The following ABCE1 variants were observed in gnomAD, a reference collection of about 807,000 sequenced individuals.
ABCE1 encodes ATP binding cassette subfamily E member 1.
A neutral mutation model predicts 83.4 loss-of-function variants in ABCE1; 22 were observed. The ratio of observed to expected loss-of-function variants is 0.26; its 90% CI spans 0.19 to 0.38. ABCE1 has a LOEUF of 0.38. ABCE1 is among the 10% of genes least tolerant of loss of function. The pLI, the probability that ABCE1 is intolerant of heterozygous loss-of-function variation, is 1.00. For synonymous variants in ABCE1, 204 were observed against 233.7 expected (o/e 0.87, Z 1.16); for missense variants, 330 against 721.9 (o/e 0.46, Z 6.22).
intron 1 of ABCE1, among the ~76,000 whole-genome samples, chr4:145,098,908 C>A (rs952091593): frequency 4.6e-5 from 7 of 152,228 alleles, no homozygotes; most frequent in African/African-American, 1.7e-4. Context: ...GCCATGAAGT[C>A]GAATACTCGC....
chr4:145,127,052 C>T (rs1310267602), intron 17 of ABCE1, among the ~76,000 whole-genome samples: 1 of 152,130 alleles, frequency 6.6e-6, no homozygotes, highest in Non-Finnish European at 1.5e-5. Context: ...TTAAGATTGT[C>T]ATACCTTAAT....
chr4:145,119,173 G>C (rs1749678397), intron 10 of ABCE1, among the ~76,000 whole-genome samples: 1 of 151,876 alleles, frequency 6.6e-6, no homozygotes, highest in African/African-American at 2.4e-5. Context: ...GTGTCTCTCA[G>C]TTCCAAATAA....
At chr4:145,125,877 TA>T (rs1323135160) in intron 17 of ABCE1, among the ~76,000 whole-genome samples, 2 of 151,982 alleles carry the variant, frequency 1.3e-5, no homozygotes, top group Admixed American at 1.3e-4. Context: ...CCATCTCTAC[TA>T]AAAATACAAA....
At chr4:145,118,765 A>G (rs574025527) in intron 10 of ABCE1, among the ~76,000 whole-genome samples, 57 of 152,012 alleles carry the variant, frequency 3.7e-4, no homozygotes, top group Middle Eastern at 3.4e-3. Context: ...TTCCTTTAAT[A>G]TATTGAAATC....
In ABCE1 at chr4:145,121,283, T is replaced by G. The variant is rs775104249; in HGVS notation, c.1204+50T>G. 3 of 1,611,924 alleles carry G rather than the reference T, an allele frequency of 1.9e-6. No individual in the cohort carries two copies. In the East Asian group the frequency reaches 6.7e-5, roughly 36 times the overall value. ...TTTACTCTGTTTTACACAGTAAACT[T>G]TAAAGATCTGGGCAGTTTTTAGTGT... On this transcript the variant is annotated intron_variant, in intron 12 of 17. Coordinates refer to ENST00000296577, the MANE Select transcript of ABCE1 (RefSeq NM_002940.3).
At chr4:145,119,117 T>C (rs553254329) in intron 10 of ABCE1, among the ~76,000 whole-genome samples, 12 of 151,934 alleles carry the variant, frequency 7.9e-5, no homozygotes, top group Non-Finnish European at 1.8e-4. Flanking sequence ...TCAGCAAAGA[T>C]GTATTGAACA....
At chr4:145,121,069 T>A in intron 11 of ABCE1, 105 bp from the exon 12 acceptor site, 1 of 1,041,154 alleles carries the variant, frequency 9.6e-7, no homozygotes, top group Non-Finnish European at 1.5e-6. Flanking sequence ...AATGTCAGTG[T>A]ATATCTTTAA....
At chr4:145,121,038 A>C (rs996830858) in intron 11 of ABCE1, 136 bp from the exon 12 acceptor site, 2 of 772,124 alleles carry the variant, frequency 2.6e-6, no homozygotes, top group Non-Finnish European at 4.3e-6. Context: ...GTATTTTTCT[A>C]TATAAACTTC....
chr4:145,110,265 A>G (rs1342701380), intron 6 of ABCE1, 25 bp downstream of exon 6: 5 of 1,598,760 alleles, frequency 3.1e-6, no homozygotes, highest in Admixed American at 1.8e-5. Context: ...GAGGGAACTT[A>G]ACGGATATTA....
chr4:145,119,973 T>G lies in ABCE1; in HGVS notation c.964T>G (p.Leu322Val). Residue 322 changes from leucine to valine, a missense_variant, in exon 11 of 18, where the codon TTG (leucine) becomes GTG (valine). Physicochemically the swap from Leu to Val is conservative, Grantham distance 32. Coordinates refer to ENST00000296577, the MANE Select transcript of ABCE1 (RefSeq NM_002940.3). ...FLDGYVPTEN[L>V]RFRDASLVFK... is the part of the protein sequence containing the mutation. The stretch of plus-strand genomic sequence containing the variant: ...GGATGGCTATGTTCCAACAGAAAAC[T>G]TGAGATTCAGAGATGCATCACTTGT... 1 of 1,611,590 alleles carries G rather than the reference T, an allele frequency of 6.2e-7. No homozygotes were observed. Among genetic ancestry groups the G allele is most frequent in the Non-Finnish European group, 8.5e-7 (1 of 1,178,980 alleles).
rs1749923372 is a variant in ABCE1, at chr4:145,127,517, CT to C, written c.1753-3del. 5 of 1,576,878 alleles carry C rather than the reference CT, an allele frequency of 3.2e-6. No individual in the cohort carries two copies. Among genetic ancestry groups the C allele is most frequent in the Admixed American group, 2.0e-5 (1 of 50,210 alleles). ...TGCTGATTTTTGTGGCTTCTGTTTTCTTTTTTAGGATGTAGAACAAAAGAAG... is the reference window on the plus strand; with the variant it reads ...TGCTGATTTTTGTGGCTTCTGTTTTCTTTTTAGGATGTAGAACAAAAGAAG... On this transcript the variant is annotated splice_polypyrimidine_tract_variant and splice_region_variant and intron_variant, in intron 17 of 17. Coordinates refer to ENST00000296577, the MANE Select transcript of ABCE1 (RefSeq NM_002940.3).
chr4:145,112,576 A>G (rs1269531798), intron 9 of ABCE1, among the ~76,000 whole-genome samples: 1 of 152,182 alleles, frequency 6.6e-6, no homozygotes, highest in Non-Finnish European at 1.5e-5. Flanking sequence ...GTAGCTTTAT[A>G]GGAAGCAGAC....
intron 3 of ABCE1, among the ~76,000 whole-genome samples, chr4:145,106,264 T>G (rs1180974533): frequency 6.6e-6 from 1 of 152,012 alleles, no homozygotes; most frequent in Non-Finnish European, 1.5e-5. Context: ...ATCTTTCTGT[T>G]TGTAGATATT....
chr4:145,101,537 G>A (rs949501799), intron 1 of ABCE1, among the ~76,000 whole-genome samples: 1 of 152,190 alleles, frequency 6.6e-6, no homozygotes, highest in Admixed American at 6.5e-5. Context: ...CCTGTGTTGA[G>A]AATGAACTGT....
intron 11 of ABCE1, 90 bp downstream of exon 11, chr4:145,120,243 G>A (rs185514971): frequency 9.0e-7 from 1 of 1,110,830 alleles, no homozygotes; most frequent in South Asian, 1.4e-5. Flanking sequence ...TGAATCATAT[G>A]TTATAGGGCT....
At chr4:145,111,902 AT>A (rs1452332012) in intron 8 of ABCE1, among the ~76,000 whole-genome samples, 2 of 152,192 alleles carry the variant, frequency 1.3e-5, no homozygotes, top group African/African-American at 4.8e-5. Flanking sequence ...CCAAAAAACT[AT>A]GCTTAAATGC....
At chr4:145,110,900 C>T (rs1262363803) in intron 7 of ABCE1, 68 bp from the exon 8 acceptor site, 4 of 964,234 alleles carry the variant, frequency 4.1e-6, no homozygotes, top group Non-Finnish European at 6.3e-6. Flanking sequence ...CAAATGATGA[C>T]ATGCAGTATA....
At chr4:145,127,416 T>G (rs1749917175) in intron 17 of ABCE1, 110 bp from the exon 18 acceptor site, 4 of 913,174 alleles carry the variant, frequency 4.4e-6, no homozygotes, top group Non-Finnish European at 6.8e-6. Flanking sequence ...CAGAACAGGT[T>G]GTACAGGCAC....
Position 145,116,531 on chromosome 4 carries a change from T to G in ABCE1, c.801-762T>G, listed in dbSNP as rs4148232. On this transcript the variant is annotated intron_variant, in intron 9 of 17. Coordinates refer to ENST00000296577, the MANE Select transcript of ABCE1 (RefSeq NM_002940.3). Reference sequence around the variant, plus strand: ...TTTATTTGTGTAGGAAGCTGATACATTAATTTGACATATGAGATGTTTGCA... The same window carrying G: ...TTTATTTGTGTAGGAAGCTGATACAGTAATTTGACATATGAGATGTTTGCA... 4.6e-5 allele frequency among the ~76,000 whole-genome samples: 7 copies of G among 152,082 alleles called. No homozygotes were observed. The East Asian group carries it at 7.7e-4, about 17-fold the overall frequency.
Sources: gnomAD v4.1 joint callset for allele counts (sites outside exome capture counted in the v4.1 genomes callset) on GRCh38, gnomAD v4.1.1 for gene constraint, MANE v1.5 for transcripts, NCBI Gene and HGNC (gene_info 2026-07-23, HGNC 2026-07-21) for gene names.